The following SCFD2 variants were observed in gnomAD, a reference collection of about 807,000 sequenced individuals.
The protein encoded by SCFD2 is sec1 family domain containing 2.
In SCFD2, 54 loss-of-function variants were observed where a neutral mutation model predicts 58.9. That is an observed-to-expected ratio of 0.92 (90% CI 0.74 to 1.15). The LOEUF (loss-of-function observed/expected upper bound fraction) is 1.15, where lower values mean the gene tolerates loss of function less well. SCFD2 is among the 50% of genes most tolerant of loss of function. The pLI is 0.00. For missense variants in SCFD2, 805 were observed against 836.6 expected (o/e 0.96, Z 0.47); for synonymous variants, 321 against 335.9 (o/e 0.96, Z 0.49).
chr4:52,961,339 G>A (rs1720848655), intron 5 of SCFD2, among the ~76,000 whole-genome samples: 1 of 152,176 alleles, frequency 6.6e-6, no homozygotes, highest in Non-Finnish European at 1.5e-5. Flanking sequence ...CTACTACCCA[G>A]AGAGGGATGA....
At position 53,365,790 on chromosome 4, in the gene SCFD2, C is replaced by T. The variant is rs1421534466; in HGVS notation, c.152G>A (p.Gly51Asp). 3 of 1,613,694 alleles carry T rather than the reference C, an allele frequency of 1.9e-6. No individual in the cohort carries two copies. In the African/African-American group the frequency reaches 4.0e-5, roughly 22 times the overall value. ...GSTRLLEAVG[G>D]PDCHLREFEP... ...GAACTCTCGCAGGTGACAGTCAGGACCCCCCACCGCCTCCAGGAGACGGGT... is the reference window on the plus strand; with the variant it reads ...GAACTCTCGCAGGTGACAGTCAGGATCCCCCACCGCCTCCAGGAGACGGGT... Residue 51 changes from glycine (G) to aspartate (D), a missense_variant, in exon 1 of 9, where the codon GGT becomes GAT. Physicochemically the swap from Gly to Asp is moderately conservative, Grantham distance 94. Around this residue, in one of 3 missense-constraint regions of SCFD2, gnomAD observed 155 missense variants for 149.7 expected, o/e 1.04. Coordinates refer to ENST00000401642, the MANE Select transcript of SCFD2 (RefSeq NM_152540.4). This position sits in a 1 kb window ranked among gnomAD's most constrained non-coding sequence, Gnocchi z 4.3.
At chr4:53,298,262 C>A (rs1297112171) in intron 3 of SCFD2, among the ~76,000 whole-genome samples, 1 of 152,164 alleles carries the variant, frequency 6.6e-6, no homozygotes, top group Non-Finnish European at 1.5e-5. Flanking sequence ...CTGTGCTTTT[C>A]CAATGGGCTT....
intron 5 of SCFD2, among the ~76,000 whole-genome samples, chr4:52,926,241 C>T (rs1382732731): frequency 1.3e-5 from 2 of 151,994 alleles, no homozygotes; most frequent in African/African-American, 2.4e-5. Flanking sequence ...CTTGGGCCAC[C>T]TTTTCATAAG....
intron 5 of SCFD2, among the ~76,000 whole-genome samples, chr4:53,028,645 G>T (rs1722540661): frequency 1.3e-5 from 2 of 152,160 alleles, no homozygotes; most frequent in Admixed American, 1.3e-4. Flanking sequence ...AGAAAAGGGA[G>T]AGAGGGAAGG....
At chr4:53,022,185 A>G (rs1463981475) in intron 5 of SCFD2, among the ~76,000 whole-genome samples, 1 of 152,222 alleles carries the variant, frequency 6.6e-6, no homozygotes, top group Non-Finnish European at 1.5e-5. Flanking sequence ...GTCAAATGTT[A>G]ACTATTGAGA....
chr4:53,348,006 TA>T (rs1375090113), intron 2 of SCFD2, among the ~76,000 whole-genome samples: 2 of 152,150 alleles, frequency 1.3e-5, no homozygotes, highest in African/African-American at 2.4e-5. Context: ...GGGCACAGAA[TA>T]AAAACCCATT....
intron 4 of SCFD2, among the ~76,000 whole-genome samples, chr4:53,179,039 G>A (rs952725936): frequency 1.3e-5 from 2 of 152,244 alleles, no homozygotes; most frequent in Admixed American, 1.3e-4. Context: ...GTACCTGAAA[G>A]TGATGGGGAG....
At chr4:53,143,746 G>A (rs756049750) in intron 5 of SCFD2, among the ~76,000 whole-genome samples, 70 of 151,278 alleles carry the variant, frequency 4.6e-4, no homozygotes, top group Non-Finnish European at 8.5e-4. Context: ...ATATATAAGC[G>A]GCCTCAGCTG....
intron 7 of SCFD2, among the ~76,000 whole-genome samples, chr4:52,904,516 C>T (rs907931011): frequency 7.2e-5 from 11 of 152,308 alleles, no homozygotes; most frequent in East Asian, 1.9e-4. Flanking sequence ...TCCTGGGGAG[C>T]GCTGCCAATG....
intron 6 of SCFD2, among the ~76,000 whole-genome samples, chr4:52,913,338 T>A (rs1330689523): frequency 6.6e-6 from 1 of 152,194 alleles, no homozygotes; most frequent in Non-Finnish European, 1.5e-5. Context: ...CATTACCGCC[T>A]GAGTTCCGCC....
intron 5 of SCFD2, among the ~76,000 whole-genome samples, chr4:52,996,869 G>A (rs755343000): frequency 6.6e-6 from 1 of 152,216 alleles, no homozygotes. Flanking sequence ...AGATAAGGCT[G>A]CATTCCAGTG....
At chr4:53,029,971 T>C (rs1470471907) in intron 5 of SCFD2, among the ~76,000 whole-genome samples, 1 of 152,204 alleles carries the variant, frequency 6.6e-6, no homozygotes, top group Non-Finnish European at 1.5e-5. Context: ...CCCTTTTAAA[T>C]TGGTAAATTG....
At chr4:52,903,914 A>G (rs775306728) in intron 7 of SCFD2, among the ~76,000 whole-genome samples, 2 of 152,240 alleles carry the variant, frequency 1.3e-5, no homozygotes, top group Non-Finnish European at 2.9e-5. Context: ...CCTAATATGT[A>G]TAGTTACAAA....
chr4:52,946,019 GA>G (rs923155520), intron 5 of SCFD2, among the ~76,000 whole-genome samples: 1 of 151,986 alleles, frequency 6.6e-6, no homozygotes, highest in Non-Finnish European at 1.5e-5. Context: ...AGTTTTAGGA[GA>G]AAATAAAACC....
intron 5 of SCFD2, among the ~76,000 whole-genome samples, chr4:52,964,051 A>T (rs1483228): frequency 6.6e-6 from 1 of 151,998 alleles, no homozygotes; most frequent in Non-Finnish European, 1.5e-5. Context: ...GATTGTATTC[A>T]ATTATTTCCA....
At chr4:53,328,885 C>T (rs551634915) in intron 2 of SCFD2, among the ~76,000 whole-genome samples, 23 of 152,286 alleles carry the variant, frequency 1.5e-4, no homozygotes, top group Non-Finnish European at 2.9e-4. Flanking sequence ...TCAGTGGGTG[C>T]GCGCACCATG....
chr4:53,221,593 A>G (rs1320680847), intron 4 of SCFD2, among the ~76,000 whole-genome samples: 2 of 152,198 alleles, frequency 1.3e-5, no homozygotes, highest in Non-Finnish European at 2.9e-5. Flanking sequence ...TTCCCATCTA[A>G]TGGATATTGT....
At chr4:53,327,632 G>A (rs1389239327) in intron 2 of SCFD2, among the ~76,000 whole-genome samples, 1 of 152,194 alleles carries the variant, frequency 6.6e-6, no homozygotes, top group Non-Finnish European at 1.5e-5. Flanking sequence ...CATAGAGGAG[G>A]AGGAAAAGGC....
At chr4:52,955,570 G>A (rs1031538410) in intron 5 of SCFD2, among the ~76,000 whole-genome samples, 2 of 152,076 alleles carry the variant, frequency 1.3e-5, no homozygotes, top group Non-Finnish European at 2.9e-5. Context: ...TTTGTTTCAG[G>A]GAACACCACT....
Sources: gnomAD v4.1 joint callset for allele counts (sites outside exome capture counted in the v4.1 genomes callset) on GRCh38, gnomAD v4.1.1 for gene constraint, gnomAD v4.1.1 regional missense constraint, Gnocchi (gnomAD v3.1) non-coding constraint, MANE v1.5 for transcripts, NCBI Gene and HGNC (gene_info 2026-07-23, HGNC 2026-07-21) for gene names.